The following SLC24A4 variants were observed in gnomAD, a reference collection of about 807,000 sequenced individuals.
SLC24A4 encodes the protein sodium/potassium/calcium exchanger 4.
SLC24A4 carries 53 observed loss-of-function variants against 79.0 expected under a neutral mutation model. That is an observed-to-expected ratio of 0.67 (90% CI 0.54 to 0.84). The LOEUF is 0.84. SLC24A4 is among the 40% of genes least tolerant of loss of function. The pLI is 0.00. For synonymous variants in SLC24A4, 323 were observed against 323.8 expected (o/e 1.00, Z 0.03); for missense variants, 731 against 822.0 (o/e 0.89, Z 1.35).
chr14:92,375,284 C>G (rs1269401147), intron 2 of SLC24A4, among the ~76,000 whole-genome samples: 2 of 152,150 alleles, frequency 1.3e-5, no homozygotes, highest in Non-Finnish European at 2.9e-5. Flanking sequence ...TAAAAAACAG[C>G]AACAACAACA....
At chr14:92,378,695 T>C (rs1004467254) in intron 2 of SLC24A4, among the ~76,000 whole-genome samples, 6 of 152,176 alleles carry the variant, frequency 3.9e-5, no homozygotes, top group African/African-American at 1.4e-4. Flanking sequence ...TGAATGAAAG[T>C]TTTCAATCAA....
chr14:92,340,777 A>T (rs1237954100), intron 2 of SLC24A4, among the ~76,000 whole-genome samples: 2 of 152,102 alleles, frequency 1.3e-5, no homozygotes, highest in Non-Finnish European at 2.9e-5. Flanking sequence ...CTCCCTCCAC[A>T]CATGGCCTCA....
intron 2 of SLC24A4, among the ~76,000 whole-genome samples, chr14:92,343,498 G>A (rs1026280668): frequency 2.0e-5 from 3 of 152,118 alleles, no homozygotes; most frequent in Non-Finnish European, 4.4e-5. Flanking sequence ...CTCCCAGACC[G>A]ATTGGGTTCT....
intron 2 of SLC24A4, among the ~76,000 whole-genome samples, chr14:92,354,169 T>A (rs1887043606): frequency 9.9e-6 from 1 of 101,348 alleles, no homozygotes; most frequent in South Asian, 2.5e-4. Context: ...TACTGACTAC[T>A]TTTTTTTTTT....
At chr14:92,374,770 TA>T (rs1888408689) in intron 2 of SLC24A4, among the ~76,000 whole-genome samples, 1 of 152,240 alleles carries the variant, frequency 6.6e-6, no homozygotes, top group Admixed American at 6.5e-5. Context: ...ACTATAAAGT[TA>T]GGGGACCTTT....
intron 7 of SLC24A4, among the ~76,000 whole-genome samples, chr14:92,444,167 A>G (rs151045227): frequency 1.7e-3 from 255 of 152,286 alleles, no homozygotes; most frequent in Non-Finnish European, 3.0e-3. Flanking sequence ...CAGATAAAAC[A>G]ATCTACGGAT....
intron 2 of SLC24A4, among the ~76,000 whole-genome samples, chr14:92,431,542 G>A (rs1198494982): frequency 6.6e-6 from 1 of 152,224 alleles, no homozygotes; most frequent in Non-Finnish European, 1.5e-5. Context: ...TTTTAATCCT[G>A]AACTGTGGAG....
intron 2 of SLC24A4, among the ~76,000 whole-genome samples, chr14:92,331,845 A>G (rs1221490144): frequency 6.6e-6 from 1 of 152,216 alleles, no homozygotes; most frequent in Non-Finnish European, 1.5e-5. Flanking sequence ...ATGAGGATGA[A>G]GACCATTAGA....
intron 2 of SLC24A4, among the ~76,000 whole-genome samples, chr14:92,326,821 T>C (rs1043420955): frequency 2.0e-5 from 3 of 150,052 alleles, no homozygotes; most frequent in African/African-American, 7.4e-5. Flanking sequence ...ACTAAGTTCC[T>C]GGGCAGATCA....
chr14:92,456,972 A>C (rs768181222), intron 12 of SLC24A4, among the ~76,000 whole-genome samples: 2 of 151,714 alleles, frequency 1.3e-5, no homozygotes, highest in Non-Finnish European at 2.9e-5. Context: ...ACATTCTTGC[A>C]CTCTCTTGGC....
chr14:92,431,462 G>T, intron 2 of SLC24A4, among the ~76,000 whole-genome samples: 1 of 152,346 alleles, frequency 6.6e-6, no homozygotes, highest in Non-Finnish European at 1.5e-5. Flanking sequence ...GTTGCTGTCA[G>T]TGACAAGGGT....
At chr14:92,445,218 C>CATAACACATAAA in intron 7 of SLC24A4, 99 bp from the exon 8 acceptor site, 1 of 1,261,486 alleles carries the variant, frequency 7.9e-7, no homozygotes, top group South Asian at 1.2e-5. Flanking sequence ...ATAACAAGGC[C>CATAACACATAAA]AGTATAAATT....
chr14:92,492,243 G>C lies in SLC24A4; in HGVS notation c.1716+3G>C. 6.2e-7 allele frequency: 1 copy of C among 1,613,922 alleles called. No individual in the cohort carries two copies. Among genetic ancestry groups the C allele is most frequent in the South Asian group, 1.1e-5 (1 of 91,064 alleles). On this transcript the variant is annotated splice_donor_region_variant and intron_variant, in intron 16 of 16. Transcript: ENST00000532405. ...TGCTGGGCTCTGTCGCTCTCACCGT[G>C]AGTCTTTACAATTCCAAAACAGATG...
intron 2 of SLC24A4, among the ~76,000 whole-genome samples, chr14:92,384,595 A>G (rs2141719082): frequency 6.6e-6 from 1 of 152,154 alleles, no homozygotes; most frequent in Non-Finnish European, 1.5e-5. Context: ...GGCTCTAGGA[A>G]AAGGCGGCAA....
intron 12 of SLC24A4, among the ~76,000 whole-genome samples, chr14:92,470,404 G>A (rs1244750092): frequency 1.3e-5 from 2 of 152,166 alleles, no homozygotes; most frequent in African/African-American, 4.8e-5. Flanking sequence ...CCCTTAATTG[G>A]AATGTGGAAT....
At chr14:92,445,248 T>C in intron 7 of SLC24A4, 69 bp from the exon 8 acceptor site, 1 of 1,581,942 alleles carries the variant, frequency 6.3e-7, no homozygotes, top group Non-Finnish European at 8.7e-7. Context: ...TGCCTGGGTG[T>C]CCGTGCTTGT....
At chr14:92,389,568 G>A (rs1183141546) in intron 2 of SLC24A4, among the ~76,000 whole-genome samples, 3 of 152,156 alleles carry the variant, frequency 2.0e-5, no homozygotes, top group African/African-American at 7.2e-5. Flanking sequence ...GGGCTTTGCT[G>A]TTCTCCCTTT....
chr14:92,327,793 GT>G (rs1386633722), intron 2 of SLC24A4, among the ~76,000 whole-genome samples: 1 of 152,206 alleles, frequency 6.6e-6, no homozygotes, highest in Non-Finnish European at 1.5e-5. Flanking sequence ...TAAAGCGTCT[GT>G]TCTATTCGAC....
intron 2 of SLC24A4, among the ~76,000 whole-genome samples, chr14:92,331,483 A>G (rs1382176447): frequency 2.6e-5 from 4 of 152,070 alleles, no homozygotes; most frequent in Non-Finnish European, 4.4e-5. Context: ...GGGTTTCACC[A>G]TGTTACCCAG....
Sources: gnomAD v4.1 joint callset for allele counts (sites outside exome capture counted in the v4.1 genomes callset) on GRCh38, gnomAD v4.1.1 for gene constraint, MANE v1.5 for transcripts, NCBI Gene and HGNC (gene_info 2026-07-23, HGNC 2026-07-21) for gene names.